BCAP29: variants seen among roughly 807,000 people sequenced by gnomAD.
The protein encoded by BCAP29 is B-cell receptor-associated protein 29.
A neutral mutation model predicts 31.8 loss-of-function variants in BCAP29; 34 were observed. The observed-to-expected ratio is 1.07, with a 90% CI of 0.81 to 1.42. The LOEUF is 1.42. Ranked by LOEUF, BCAP29 falls within the 40% of genes most tolerant of loss-of-function variation. The probability of loss-of-function intolerance (pLI) is 0.00; values close to 1 mark genes in which losing one functional copy is unlikely to be tolerated. For synonymous variants in BCAP29, 104 were observed against 91.3 expected (o/e 1.14, Z -0.79); for missense variants, 314 against 269.2 (o/e 1.17, Z -1.16).
At chr7:107,604,448 C>G (rs1811717237) in intron 6 of BCAP29, among the ~76,000 whole-genome samples, 1 of 152,090 alleles carries the variant, frequency 6.6e-6, no homozygotes, top group Non-Finnish European at 1.5e-5. Flanking sequence ...AAGACATAAG[C>G]TTTGTATACA....
At chr7:107,610,472 A>G (rs1035346377) in intron 6 of BCAP29, among the ~76,000 whole-genome samples, 3 of 152,202 alleles carry the variant, frequency 2.0e-5, no homozygotes, top group Non-Finnish European at 4.4e-5. Flanking sequence ...TTGGTTACAG[A>G]TGCAGTTGCA....
At chr7:107,597,385 C>T (rs1810051747) in intron 5 of BCAP29, among the ~76,000 whole-genome samples, 1 of 152,092 alleles carries the variant, frequency 6.6e-6, no homozygotes, top group African/African-American at 2.4e-5. Flanking sequence ...CATACCTCTT[C>T]ATTCTCTATC....
rs1472605943 is a variant in BCAP29 at position 107,619,754 on chromosome 7, A to T, written c.*1391A>T. Reference sequence around the variant, plus strand: ...CTCAAAGTATAGACTTAGAAATATCAAAGTAAGAGCTATCTGGATAAATAT... The same window carrying T: ...CTCAAAGTATAGACTTAGAAATATCTAAGTAAGAGCTATCTGGATAAATAT... On this transcript the variant is annotated 3_prime_UTR_variant, in exon 8 of 8. Transcript: ENST00000005259. 2.0e-5 allele frequency: 3 copies of T among 152,210 alleles called. No individual in the cohort carries two copies. Among genetic ancestry groups the T allele is most frequent in the Non-Finnish European group, 4.4e-5 (3 of 68,022 alleles). 9.4% of individuals were successfully genotyped at this position (152,210 alleles called of 1,614,324 possible).
intron 6 of BCAP29, chr7:107,603,585 CTTCT>C (rs1161254901): frequency 6.7e-6 from 1 of 148,924 alleles, no homozygotes; most frequent in Non-Finnish European, 1.5e-5. Context: ...TCCTTTGTTC[CTTCT>C]TTGTTTCATC....
intron 6 of BCAP29, among the ~76,000 whole-genome samples, chr7:107,601,673 T>TA (rs1468457963): frequency 6.6e-6 from 1 of 152,224 alleles, no homozygotes; most frequent in African/African-American, 2.4e-5. Flanking sequence ...ATTTAATAGT[T>TA]ACCTACCGTT....
At chr7:107,581,218 G>T (rs1370910633) in intron 2 of BCAP29, among the ~76,000 whole-genome samples, 3 of 152,150 alleles carry the variant, frequency 2.0e-5, no homozygotes, top group African/African-American at 7.2e-5. Flanking sequence ...ATAAATATAA[G>T]TGGATAAATC....
At chr7:107,582,003 C>T (rs1459639768) in intron 2 of BCAP29, among the ~76,000 whole-genome samples, 2 of 152,150 alleles carry the variant, frequency 1.3e-5, no homozygotes, top group Non-Finnish European at 2.9e-5. Flanking sequence ...GGCTCTTAGT[C>T]CAGTGTTCTT....
Position 107,593,948 on chromosome 7 carries a change from G to A in BCAP29, c.194-7G>A. ...CAAAAGTACTGTTTTCTTTTGTTCT[G>A]TAATAGATGCTGTGAGAGAAGTAAG... On this transcript the variant is annotated splice_polypyrimidine_tract_variant and splice_region_variant and intron_variant, in intron 3 of 7. Coordinates refer to ENST00000005259, the MANE Select transcript of BCAP29 (RefSeq NM_018844.4). 2.5e-6 allele frequency: 4 copies of A among 1,600,986 alleles called. No homozygotes were observed. Among genetic ancestry groups the A allele is most frequent in the Non-Finnish European group, 3.4e-6 (4 of 1,176,546 alleles).
Position 107,613,356 on chromosome 7 carries a change from T to C in BCAP29, c.614T>C (p.Val205Ala). 6.2e-7 allele frequency: 1 copy of C among 1,611,486 alleles called. No individual in the cohort carries two copies. The highest frequency in any genetic ancestry group is 8.5e-7 in the Non-Finnish European group (1 of 1,178,030). The stretch of plus-strand genomic sequence containing the variant: ...GCCCTTTCTAAGGCACAAAATGATG[T>C]GATGGAAATGAAGATGCAGTCAGAG... ...SDALSKAQND[V>A]MEMKMQSERL... Residue 205 changes from valine (V) to alanine (A), a missense_variant, in exon 7 of 8, where the codon GTG (valine) becomes GCG (alanine). Coordinates refer to ENST00000005259, the MANE Select transcript of BCAP29 (RefSeq NM_018844.4).
rs143015462 is a variant in BCAP29 at position 107,606,267 on chromosome 7, T to C, written c.589+5762T>C. The stretch of plus-strand genomic sequence containing the variant: ...CTCTTTTTAGGCATAGTTTTCTCTT[T>C]TGTAAAATGAGAGACTGAACTAGTT... On this transcript the variant is annotated intron_variant, in intron 6 of 7. Coordinates refer to ENST00000005259, the MANE Select transcript of BCAP29 (RefSeq NM_018844.4). Among the ~76,000 whole-genome samples the C allele has an allele frequency of 4.4e-3, 676 of 152,344 alleles. 8 individuals carry two copies. The highest frequency in any genetic ancestry group is 0.015 in the African/African-American group (638 of 41,590).
At chr7:107,594,920 G>C (rs536200833) in intron 4 of BCAP29, among the ~76,000 whole-genome samples, 63 of 152,260 alleles carry the variant, frequency 4.1e-4, no homozygotes, top group African/African-American at 1.5e-3. Flanking sequence ...TTAGGCTCCT[G>C]CCTCTCTTTG....
rs1402819010 is a variant in BCAP29, at chr7:107,600,442, G to A, written c.526G>A (p.Glu176Lys). 5.6e-6 allele frequency: 9 copies of A among 1,611,100 alleles called. No individual in the cohort carries two copies. In the South Asian group the frequency reaches 8.8e-5, roughly 16 times the overall value. Residue 176 changes from glutamate (E) to lysine (K), a missense_variant, in exon 6 of 8, where the codon GAA becomes AAA. Transcript: ENST00000005259. ...GKDEECVLEA[E>K]NKKLVEDQEK... The stretch of plus-strand genomic sequence containing the variant: ...AGATGAAGAATGTGTTTTGGAAGCA[G>A]AAAATAAAAAACTAGTAGAAGACCA...
At chr7:107,613,617 G>A (rs943456976) in intron 7 of BCAP29, 185 bp downstream of exon 7, 1 of 1,568,584 alleles carries the variant, frequency 6.4e-7, no homozygotes, top group Non-Finnish European at 8.8e-7. Context: ...GAAAATACAA[G>A]ATAATTTTAA....
chr7:107,595,223 G>GTA (rs983127798), intron 4 of BCAP29, among the ~76,000 whole-genome samples: 69 of 152,274 alleles, frequency 4.5e-4, no homozygotes, highest in African/African-American at 1.7e-3. Flanking sequence ...CTCAAAGAAT[G>GTA]TATATATACT....
intron 7 of BCAP29, chr7:107,613,765 T>C (rs1382234184): frequency 6.3e-7 from 1 of 1,591,546 alleles, no homozygotes; most frequent in South Asian, 1.1e-5. Context: ...TTTGCCATAT[T>C]CATGCCAAAA....
Position 107,594,083 on chromosome 7 carries a change from G to A in BCAP29, c.322G>A (p.Gly108Arg). 6.2e-7 allele frequency: 1 copy of A among 1,611,112 alleles called. No individual in the cohort carries two copies. The highest frequency in any genetic ancestry group is 8.5e-7 in the Non-Finnish European group (1 of 1,178,672). ...GTCTCAAAGAAATCTTTACATTTCT[G>A]GATTTTCCCTATTTTTTTGGCTGTA... ...FRSQRNLYIS[G>R]FSLFFWLVLR... The change falls in exon 4 of 8, where the codon GGA becomes AGA. Residue 108 changes from glycine (G) to arginine (R), a missense_variant. Transcript: ENST00000005259.
chr7:107,594,214 C>G lies in BCAP29; in HGVS notation c.344+109C>G. Reference sequence around the variant, plus strand: ...TTTTTTTTTTTTTTAAGAGAGACAACCTTTCGCTCTGTTGCCCAGGCTGCA... The same window carrying G: ...TTTTTTTTTTTTTTAAGAGAGACAAGCTTTCGCTCTGTTGCCCAGGCTGCA... On this transcript the variant is annotated intron_variant, in intron 4 of 7. Transcript: ENST00000005259. 3.0e-6 allele frequency: 3 copies of G among 1,002,650 alleles called. No homozygotes were observed. The Admixed American group carries it at 8.2e-5, about 27-fold the overall frequency. The allele number at this position is 1,002,650 out of a possible 1,614,324, so 62.1% of individuals were successfully genotyped here.
At chr7:107,594,519 T>C (rs1011314682) in intron 4 of BCAP29, among the ~76,000 whole-genome samples, 1 of 152,028 alleles carries the variant, frequency 6.6e-6, no homozygotes, top group Non-Finnish European at 1.5e-5. Context: ...GTTTGTTTTT[T>C]AAGATGGAGT....
Position 107,596,915 on chromosome 7 carries a change from G to A in BCAP29, c.480+913G>A, listed in dbSNP as rs778082780. On this transcript the variant is annotated intron_variant, in intron 5 of 7. Transcript: ENST00000005259. ...ATGATTACCAATTCCTTGACCCTGC[G>A]TGATTTATTCTTTCTGTTTGTTTGT... is the stretch of plus-strand genomic sequence containing the variant. 3.2e-4 allele frequency among the ~76,000 whole-genome samples: 49 copies of A among 152,190 alleles called. 2 individuals are homozygous for A. In the South Asian group the frequency reaches 5.8e-3, roughly 18 times the overall value.
Sources: allele counts gnomAD v4.1 joint callset (sites outside exome capture counted in the v4.1 genomes callset), GRCh38; gene constraint gnomAD v4.1.1; transcripts MANE v1.5; gene names NCBI Gene and HGNC (gene_info 2026-07-23, HGNC 2026-07-21).